Variants in BAG4 observed in about 807,000 individuals in gnomAD.
BAG4 encodes the protein BAG family molecular chaperone regulator 4.
A neutral mutation model predicts 52.1 loss-of-function variants in BAG4; 28 were observed. That is an observed-to-expected ratio of 0.54 (90% CI 0.40 to 0.74). BAG4 has a LOEUF of 0.74. BAG4 is among the 30% of genes least tolerant of loss of function. The pLI, the probability that BAG4 is intolerant of heterozygous loss-of-function variation, is 0.00. For missense variants in BAG4, 525 were observed against 572.0 expected (o/e 0.92, Z 0.84); for synonymous variants, 208 against 217.0 (o/e 0.96, Z 0.37).
chr8:38,184,856 T>G (rs1803337994), intron 1 of BAG4, among the ~76,000 whole-genome samples: 1 of 152,146 alleles, frequency 6.6e-6, no homozygotes, highest in East Asian at 1.9e-4. Context: ...TTTGGGAGGC[T>G]GAGGTGGGCA....
At chr8:38,209,939 TA>T in intron 4 of BAG4, 68 bp from the exon 5 acceptor site, 1 of 1,547,032 alleles carries the variant, frequency 6.5e-7, no homozygotes. Context: ...AGATGTGGGC[TA>T]ACAAATTTGA....
At chr8:38,201,851 TATATATATATATATATATATA>T (rs1803669520) in intron 2 of BAG4, 1 of 5,852 alleles carries the variant, frequency 1.7e-4, no homozygotes, top group African/African-American at 4.2e-4. Context: ...TATATATATA[TATATATATATATATATATATA>T]TATATATATT....
intron 2 of BAG4, chr8:38,201,868 ATATATATATATATTTTTTTTTTTTTT>A (rs1803677450): frequency 3.1e-4 from 2 of 6,474 alleles, no homozygotes; most frequent in African/African-American, 4.9e-4. Flanking sequence ...ATATATATAT[ATATATATATATATTTTTTTTTTTTTT>A]TTTTTTTTTT....
At chr8:38,179,090 G>A (rs1253239624) in intron 1 of BAG4, among the ~76,000 whole-genome samples, 1 of 152,212 alleles carries the variant, frequency 6.6e-6, no homozygotes, top group East Asian at 1.9e-4. Context: ...AGAGTTTATA[G>A]TATGTTGATT....
intron 1 of BAG4, among the ~76,000 whole-genome samples, chr8:38,178,194 T>TG (rs1409961584): frequency 3.3e-5 from 5 of 151,728 alleles, no homozygotes; most frequent in Non-Finnish European, 7.4e-5. Context: ...CTCGCTCTGT[T>TG]GCCCAGGCTG....
intron 2 of BAG4, among the ~76,000 whole-genome samples, chr8:38,193,334 G>A (rs6982519): frequency 0.24 from 36,240 of 151,502 alleles, 4,494 homozygotes; most frequent in East Asian, 0.31. Context: ...CAGGAGAACC[G>A]CCTGAACCCA....
chr8:38,191,709 G>A (rs1277062534), intron 1 of BAG4, among the ~76,000 whole-genome samples: 1 of 143,670 alleles, frequency 7.0e-6, no homozygotes, highest in Admixed American at 7.4e-5. Context: ...GCAGTGAGCC[G>A]AGATCGTGCC....
intron 1 of BAG4, among the ~76,000 whole-genome samples, chr8:38,184,399 C>T (rs750154825): frequency 5.3e-5 from 8 of 151,418 alleles, no homozygotes; most frequent in Non-Finnish European, 1.0e-4. Context: ...CCCAGGTGGC[C>T]GAGGGTGTGG....
intron 2 of BAG4, among the ~76,000 whole-genome samples, chr8:38,204,966 AC>A (rs762158517): frequency 1.3e-5 from 2 of 152,214 alleles, no homozygotes; most frequent in African/African-American, 2.4e-5. Context: ...AAGGAAAAAA[AC>A]AACCTTAAAA....
chr8:38,196,936 G>A (rs1399572899), intron 2 of BAG4, among the ~76,000 whole-genome samples: 1 of 151,998 alleles, frequency 6.6e-6, no homozygotes, highest in Admixed American at 6.6e-5. Context: ...AATTAGCTGG[G>A]CGTGGTGGCA....
chr8:38,180,941 ATTT>A (rs56111009), intron 1 of BAG4, among the ~76,000 whole-genome samples: 3 of 138,302 alleles, frequency 2.2e-5, no homozygotes, highest in Admixed American at 7.2e-5. Context: ...ATCTATCACT[ATTT>A]TTTTTTTTTT....
chr8:38,203,572 C>A (rs947016575), intron 2 of BAG4, among the ~76,000 whole-genome samples: 6 of 152,032 alleles, frequency 3.9e-5, no homozygotes, highest in Non-Finnish European at 8.8e-5. Context: ...TGTGAGCCAC[C>A]GTGCCTGGTT....
At chr8:38,200,896 C>T (rs1449351869) in intron 2 of BAG4, among the ~76,000 whole-genome samples, 1 of 152,052 alleles carries the variant, frequency 6.6e-6, no homozygotes, top group Non-Finnish European at 1.5e-5. Context: ...CCATGCCTGG[C>T]CAGGCAGCTG....
intron 1 of BAG4, among the ~76,000 whole-genome samples, chr8:38,182,268 T>G (rs1006271168): frequency 6.6e-6 from 1 of 152,248 alleles, no homozygotes; most frequent in Admixed American, 6.5e-5. Context: ...TGTACTTTAC[T>G]AATAATTTTT....
chr8:38,193,325 A>G (rs914519025), intron 2 of BAG4, among the ~76,000 whole-genome samples: 3 of 151,696 alleles, frequency 2.0e-5, no homozygotes, highest in Admixed American at 2.0e-4. Flanking sequence ...AGGCTGAGGC[A>G]GGAGAACCGC....
At chr8:38,209,372 A>G in intron 4 of BAG4, 105 bp downstream of exon 4, 2 of 1,485,490 alleles carry the variant, frequency 1.3e-6, no homozygotes, top group Non-Finnish European at 1.8e-6. Flanking sequence ...GACTAATTAC[A>G]AAAAGTTGGT....
intron 2 of BAG4, among the ~76,000 whole-genome samples, chr8:38,200,378 T>C (rs1472275900): frequency 1.3e-5 from 2 of 152,164 alleles, no homozygotes; most frequent in Non-Finnish European, 2.9e-5. Context: ...CATTAATCTA[T>C]ATGTCTTCCT....
chr8:38,208,312 T>C (rs1267231717), intron 3 of BAG4, among the ~76,000 whole-genome samples: 1 of 145,038 alleles, frequency 6.9e-6, no homozygotes, highest in Non-Finnish European at 1.5e-5. Context: ...AGGTTCTTTT[T>C]TTTTTTTTTT....
intron 2 of BAG4, among the ~76,000 whole-genome samples, chr8:38,195,177 G>T (rs927484358): frequency 6.6e-6 from 1 of 151,954 alleles, no homozygotes; most frequent in Non-Finnish European, 1.5e-5. Flanking sequence ...TTGAGACAGG[G>T]TCTTGCTCTG....
Sources: gnomAD v4.1 joint callset for allele counts (sites outside exome capture counted in the v4.1 genomes callset) on GRCh38, gnomAD v4.1.1 for gene constraint, MANE v1.5 for transcripts, NCBI Gene and HGNC (gene_info 2026-07-23, HGNC 2026-07-21) for gene names.